Variants in ERBB4 observed in about 807,000 individuals in gnomAD.
The protein encoded by ERBB4 is receptor tyrosine-protein kinase erbB-4.
A neutral mutation model predicts 158.0 loss-of-function variants in ERBB4; 42 were observed. The ratio of observed to expected loss-of-function variants is 0.27; its 90% CI spans 0.21 to 0.34. The LOEUF (loss-of-function observed/expected upper bound fraction) is 0.34, where lower values mean the gene tolerates loss of function less well. Ranked by LOEUF, ERBB4 falls within the 10% of genes least tolerant of loss-of-function variation. The pLI is 1.00. For synonymous variants in ERBB4, 583 were observed against 558.7 expected (o/e 1.04, Z -0.61); for missense variants, 1,333 against 1,624.1 (o/e 0.82, Z 3.08).
intron 1 of ERBB4, among the ~76,000 whole-genome samples, chr2:212,304,942 CTGTG>C (rs1011208436): frequency 6.7e-6 from 1 of 150,054 alleles, no homozygotes; most frequent in Admixed American, 6.7e-5. Context: ...GCGTACATGT[CTGTG>C]TGTGTGTGTA....
At chr2:212,532,115 G>A (rs1692786420) in intron 1 of ERBB4, among the ~76,000 whole-genome samples, 1 of 152,128 alleles carries the variant, frequency 6.6e-6, no homozygotes, top group South Asian at 2.1e-4. Flanking sequence ...TTATGTGTCA[G>A]TGGTTTTTCA....
rs78506553 is a variant in ERBB4, at chr2:211,900,299, G to A, written c.421+47131C>T. On this transcript the variant is annotated intron_variant, in intron 3 of 27. Coordinates refer to ENST00000342788, the MANE Select transcript of ERBB4 (RefSeq NM_005235.3). ...ACACAGAGAAAGCAGTTGTTCCCAT[G>A]TCTTAAAATAGCACAGATTGAACAT... 3.7e-3 allele frequency among the ~76,000 whole-genome samples: 566 copies of A among 152,110 alleles called. 8 individuals carry two copies. The East Asian group carries it at 0.041, about 11-fold the overall frequency.
intron 2 of ERBB4, among the ~76,000 whole-genome samples, chr2:212,071,125 T>C (rs1280889438): frequency 6.6e-6 from 1 of 151,898 alleles, no homozygotes; most frequent in Non-Finnish European, 1.5e-5. Flanking sequence ...AAAATAATAC[T>C]CACTAGATAT....
At chr2:211,586,056 T>C (rs1345515290) in intron 19 of ERBB4, among the ~76,000 whole-genome samples, 1 of 152,162 alleles carries the variant, frequency 6.6e-6, no homozygotes, top group East Asian at 1.9e-4. Context: ...CTTCTTCCTA[T>C]CAAATGTGAT....
chr2:212,329,842 TC>T (rs1385333968), intron 1 of ERBB4, among the ~76,000 whole-genome samples: 10 of 152,042 alleles, frequency 6.6e-5, no homozygotes, highest in Non-Finnish European at 1.0e-4. Context: ...GTGCCTCCAA[TC>T]CCTTTAGAAA....
chr2:212,168,612 A>G (rs1240267740), intron 1 of ERBB4, among the ~76,000 whole-genome samples: 8 of 152,174 alleles, frequency 5.3e-5, no homozygotes. Flanking sequence ...GGGAAAATTA[A>G]CGCAATAGAT....
At chr2:211,946,576 CTTTTTTTT>C (rs56007115) in intron 3 of ERBB4, among the ~76,000 whole-genome samples, 8 of 49,586 alleles carry the variant, frequency 1.6e-4, no homozygotes, top group Admixed American at 3.4e-4. Context: ...AATTAGCTCT[CTTTTTTTT>C]TTTTTTTTTT....
chr2:211,699,743 C>T (rs533683255), intron 12 of ERBB4, among the ~76,000 whole-genome samples: 4 of 152,034 alleles, frequency 2.6e-5, no homozygotes, highest in South Asian at 4.2e-4. Flanking sequence ...TAAACTCAAT[C>T]CAAGAAGCAT....
chr2:212,161,039 T>C (rs2081188465), intron 1 of ERBB4, among the ~76,000 whole-genome samples: 1 of 152,038 alleles, frequency 6.6e-6, no homozygotes, highest in African/African-American at 2.4e-5. Context: ...ATATGTTTAA[T>C]ATCCCATAAA....
At chr2:212,208,222 C>T (rs1374046919) in intron 1 of ERBB4, among the ~76,000 whole-genome samples, 1 of 152,052 alleles carries the variant, frequency 6.6e-6, no homozygotes, top group Non-Finnish European at 1.5e-5. Flanking sequence ...TCCTGTTTGC[C>T]CTGGACTGTG....
intron 1 of ERBB4, among the ~76,000 whole-genome samples, chr2:212,494,995 T>A (rs753606077): frequency 3.7e-4 from 56 of 152,220 alleles, no homozygotes; most frequent in Middle Eastern, 3.4e-3. Context: ...CCAAAAATAC[T>A]TATAAAAATT....
chr2:212,257,260 C>A (rs1358485509), intron 1 of ERBB4, among the ~76,000 whole-genome samples: 1 of 152,102 alleles, frequency 6.6e-6, no homozygotes, highest in Non-Finnish European at 1.5e-5. Context: ...ATTAATAGAT[C>A]AATTTTCACT....
At chr2:211,734,892 G>A (rs2074551732) in intron 5 of ERBB4, among the ~76,000 whole-genome samples, 3 of 119,950 alleles carry the variant, frequency 2.5e-5, no homozygotes, top group African/African-American at 3.5e-5. Flanking sequence ...CAGCCTGGGC[G>A]ACAAGCGAGA....
intron 3 of ERBB4, among the ~76,000 whole-genome samples, chr2:211,938,569 C>G (rs1208783347): frequency 6.6e-6 from 1 of 152,146 alleles, no homozygotes; most frequent in African/African-American, 2.4e-5. Context: ...TTGGCCACAT[C>G]TGGCTACTGG....
At chr2:212,278,694 G>A (rs1242267802) in intron 1 of ERBB4, among the ~76,000 whole-genome samples, 1 of 151,424 alleles carries the variant, frequency 6.6e-6, no homozygotes, top group Non-Finnish European at 1.5e-5. Flanking sequence ...TAAAAGTAAG[G>A]CACATTTGGT....
intron 1 of ERBB4, among the ~76,000 whole-genome samples, chr2:212,342,936 T>C (rs1017570126): frequency 6.6e-6 from 1 of 152,200 alleles, no homozygotes; most frequent in Non-Finnish European, 1.5e-5. Flanking sequence ...TCTTTTAATC[T>C]AAACCAGTTG....
intron 25 of ERBB4, among the ~76,000 whole-genome samples, chr2:211,414,271 G>A (rs1371948206): frequency 6.6e-6 from 1 of 152,104 alleles, no homozygotes; most frequent in Non-Finnish European, 1.5e-5. Flanking sequence ...GCTGAGGCGG[G>A]CGAATCACTT....
At chr2:211,678,151 T>G (rs1400645781) in intron 13 of ERBB4, among the ~76,000 whole-genome samples, 1 of 151,966 alleles carries the variant, frequency 6.6e-6, no homozygotes, top group African/African-American at 2.4e-5. Flanking sequence ...CTGCTTAGAT[T>G]ATCTAAAACC....
At position 212,362,375 on chromosome 2, in the gene ERBB4, G is replaced by A. The variant is rs1404388536; in HGVS notation, c.82+176074C>T. On this transcript the variant is annotated intron_variant, in intron 1 of 27. Transcript: ENST00000342788. ...CATGCTTTTAGGTTATCTACCACCT[G>A]TTTTAGCTTTTAAACATATACTCAC... 4.0e-5 allele frequency among the ~76,000 whole-genome samples: 6 copies of A among 151,454 alleles called. No homozygotes were observed. The East Asian group carries it at 9.7e-4, about 24-fold the overall frequency.
Sources: allele counts gnomAD v4.1 joint callset (sites outside exome capture counted in the v4.1 genomes callset), GRCh38; gene constraint gnomAD v4.1.1; transcripts MANE v1.5; gene names NCBI Gene and HGNC (gene_info 2026-07-23, HGNC 2026-07-21).